MAGI1: variants seen among roughly 807,000 people sequenced by gnomAD.
MAGI1 encodes membrane associated guanylate kinase, WW and PDZ domain containing 1, also known as membrane-associated guanylate kinase, WW and PDZ domain-containing protein 1.
Under a neutral mutation model 139.9 loss-of-function variants are expected in MAGI1, and 58 were observed. The ratio of observed to expected loss-of-function variants is 0.41; its 90% CI spans 0.34 to 0.52. The LOEUF is 0.52. Ranked by LOEUF, MAGI1 falls within the 20% of genes least tolerant of loss-of-function variation. The probability of loss-of-function intolerance (pLI) is 0.12; values close to 1 mark genes in which losing one functional copy is unlikely to be tolerated. For missense variants in MAGI1, 1,874 were observed against 1,901.6 expected, an observed-to-expected ratio of 0.99 and a Z score of 0.27; for synonymous variants, 812 against 737.9, an observed-to-expected ratio of 1.10 and a Z score of -1.63.
chr3:65,534,696 G>A (rs1231941234), intron 2 of MAGI1, among the ~76,000 whole-genome samples: 1 of 152,196 alleles, frequency 6.6e-6, no homozygotes, highest in Non-Finnish European at 1.5e-5. Flanking sequence ...CACATTGACT[G>A]TGATGTCAGT....
chr3:66,038,396 G>A lies in MAGI1; in HGVS notation c.-88C>T, dbSNP rs2069058062. 4.1e-6 allele frequency: 6 copies of A among 1,478,560 alleles called. No individual in the cohort carries two copies. The highest frequency in any genetic ancestry group is 1.4e-5 in the African/African-American group (1 of 71,046). The allele number at this position is 1,478,560 out of a possible 1,614,324, so 91.6% of individuals were successfully genotyped here. Reference sequence around the variant, plus strand: ...CCCCCAAGCCTCCGCTTGTTCATGGGAGAAACATCTCTCCCCAAATCACAA... The same window carrying A: ...CCCCCAAGCCTCCGCTTGTTCATGGAAGAAACATCTCTCCCCAAATCACAA... On this transcript the variant is annotated 5_prime_UTR_variant, in exon 1 of 23. Transcript: ENST00000402939.
At chr3:65,581,594 T>A (rs1379333168) in intron 2 of MAGI1, among the ~76,000 whole-genome samples, 1 of 152,142 alleles carries the variant, frequency 6.6e-6, no homozygotes, top group African/African-American at 2.4e-5. Context: ...GCACTGGCTG[T>A]TCCCTTTACC....
chr3:65,807,656 T>C (rs1354270776), intron 1 of MAGI1, among the ~76,000 whole-genome samples: 1 of 152,144 alleles, frequency 6.6e-6, no homozygotes, highest in Non-Finnish European at 1.5e-5. Flanking sequence ...CAACCGGCTA[T>C]TCCAAACAGA....
At chr3:65,402,599 G>A (rs1325472655) in intron 12 of MAGI1, among the ~76,000 whole-genome samples, 4 of 152,054 alleles carry the variant, frequency 2.6e-5, no homozygotes, top group Non-Finnish European at 5.9e-5. Flanking sequence ...ATGCTGCACC[G>A]GAGATTTCAA....
At chr3:65,967,276 A>T (rs2107147975) in intron 1 of MAGI1, among the ~76,000 whole-genome samples, 1 of 152,348 alleles carries the variant, frequency 6.6e-6, no homozygotes, top group East Asian at 1.9e-4. Flanking sequence ...GCGGGCATAC[A>T]GGTGTTTGCT....
chr3:65,737,487 T>A (rs1354564299), intron 1 of MAGI1, among the ~76,000 whole-genome samples: 1 of 152,184 alleles, frequency 6.6e-6, no homozygotes, highest in Admixed American at 6.5e-5. Context: ...TGAGTTAGAA[T>A]CCAGCAATGT....
At chr3:65,858,110 AAAAC>A (rs111781255) in intron 1 of MAGI1, among the ~76,000 whole-genome samples, 21 of 141,008 alleles carry the variant, frequency 1.5e-4, no homozygotes, top group East Asian at 7.8e-4. Flanking sequence ...CATTGTCTCA[AAAAC>A]AAACAAACAA....
chr3:65,572,810 T>C (rs1027176130), intron 2 of MAGI1, among the ~76,000 whole-genome samples: 15 of 151,856 alleles, frequency 9.9e-5, no homozygotes, highest in Non-Finnish European at 1.8e-4. Context: ...GTCAGACCTG[T>C]CTAGTTACAA....
chr3:65,478,426 C>G (rs1176499434), intron 4 of MAGI1, among the ~76,000 whole-genome samples, 166 bp downstream of exon 4: 1 of 152,002 alleles, frequency 6.6e-6, no homozygotes, highest in Non-Finnish European at 1.5e-5. Context: ...AAAAGAAGAC[C>G]AGGGAAAGGA....
intron 1 of MAGI1, among the ~76,000 whole-genome samples, chr3:65,968,329 C>A (rs748939668): frequency 6.6e-6 from 1 of 152,098 alleles, no homozygotes. Context: ...ATTACTGATT[C>A]CAGCATTGTT....
At chr3:65,633,551 C>A (rs553975727) in intron 1 of MAGI1, among the ~76,000 whole-genome samples, 1 of 152,244 alleles carries the variant, frequency 6.6e-6, no homozygotes, top group South Asian at 2.1e-4. Context: ...CTTCTCTGTT[C>A]TTTTCTCTTG....
chr3:65,398,231 T>C (rs899833978), intron 13 of MAGI1, among the ~76,000 whole-genome samples: 4 of 152,136 alleles, frequency 2.6e-5, no homozygotes, highest in South Asian at 4.1e-4. Context: ...TAGAAGATGA[T>C]AGCTAGGTGT....
At position 65,646,855 on chromosome 3, in the gene MAGI1, AAAC is replaced by A. The variant is rs529179579; in HGVS notation, c.314-24770_314-24768del. On this transcript the variant is annotated intron_variant, in intron 1 of 22. Transcript: ENST00000402939. ...TAAATACACATCGACATAAATAAAA[AAAC>A]AACGTGTCAAAATTGTACAATTACA... is the stretch of plus-strand genomic sequence containing the variant. Among the ~76,000 whole-genome samples, 301 of 152,244 alleles carry A rather than the reference AAAC, an allele frequency of 2.0e-3. 3 individuals carry two copies. Among genetic ancestry groups the A allele is most frequent in the African/African-American group, 6.7e-3 (277 of 41,568 alleles).
chr3:65,440,768 G>A (rs531911340), intron 8 of MAGI1, among the ~76,000 whole-genome samples: 1 of 151,210 alleles, frequency 6.6e-6, no homozygotes, highest in East Asian at 2.0e-4. Context: ...CACTTAGATG[G>A]CTACAAAACT....
At chr3:65,597,216 T>A (rs1169096439) in intron 2 of MAGI1, among the ~76,000 whole-genome samples, 5 of 149,756 alleles carry the variant, frequency 3.3e-5, no homozygotes, top group Admixed American at 3.3e-4. Flanking sequence ...GGCTTTCATC[T>A]CCTCCTTTAC....
intron 1 of MAGI1, among the ~76,000 whole-genome samples, chr3:65,887,183 G>A (rs1038558500): frequency 5.3e-5 from 8 of 151,908 alleles, no homozygotes; most frequent in Admixed American, 5.2e-4. Context: ...TAGAAAAATT[G>A]AAAAAATATA....
intron 2 of MAGI1, among the ~76,000 whole-genome samples, chr3:65,618,325 G>A (rs1205845075): frequency 6.6e-6 from 1 of 151,904 alleles, no homozygotes; most frequent in Admixed American, 6.6e-5. Flanking sequence ...TTTTCCATAG[G>A]TACACAAAGA....
chr3:65,505,213 A>G (rs1214450650), intron 2 of MAGI1, among the ~76,000 whole-genome samples: 1 of 152,140 alleles, frequency 6.6e-6, no homozygotes, highest in Non-Finnish European at 1.5e-5. Context: ...TGTAAAATGG[A>G]ATGAACTACT....
chr3:65,382,180 C>T lies in MAGI1; in HGVS notation c.2509-111G>A, dbSNP rs150814623. ...CATTCATTCATGTCTGCAGGCATGCCGCAAACATTTATTGAGCACCCACTG... is the reference window on the plus strand; with the variant it reads ...CATTCATTCATGTCTGCAGGCATGCTGCAAACATTTATTGAGCACCCACTG... On this transcript the variant is annotated intron_variant, in intron 15 of 22. Coordinates refer to ENST00000402939, the MANE Select transcript of MAGI1 (RefSeq NM_001033057.2). 713 of 884,130 alleles carry T rather than the reference C, an allele frequency of 8.1e-4. 2 individuals carry two copies. In the East Asian group the frequency reaches 0.013, roughly 16 times the overall value. 54.8% of individuals were successfully genotyped at this position (884,130 alleles called of 1,614,324 possible).
Sources: gnomAD v4.1 joint callset for allele counts (sites outside exome capture counted in the v4.1 genomes callset) on GRCh38, gnomAD v4.1.1 for gene constraint, MANE v1.5 for transcripts, NCBI Gene and HGNC (gene_info 2026-07-23, HGNC 2026-07-21) for gene names.